The following PKHD1 variants were observed in gnomAD, a reference collection of about 807,000 sequenced individuals.
The protein encoded by PKHD1 is fibrocystin.
Under a neutral mutation model 412.0 loss-of-function variants are expected in PKHD1, and 291 were observed. The ratio of observed to expected loss-of-function variants is 0.71; its 90% CI spans 0.64 to 0.78. The LOEUF (loss-of-function observed/expected upper bound fraction) is 0.78, where lower values mean the gene tolerates loss of function less well. Ranked by LOEUF, PKHD1 falls within the 30% of genes least tolerant of loss-of-function variation. The probability of loss-of-function intolerance (pLI) is 0.00; values close to 1 mark genes in which losing one functional copy is unlikely to be tolerated. For missense variants in PKHD1, 4,825 were observed against 4,950.7 expected, an observed-to-expected ratio of 0.97 and a Z score of 0.76; for synonymous variants, 1,777 against 1,821.5, an observed-to-expected ratio of 0.98 and a Z score of 0.62.
intron 37 of PKHD1, among the ~76,000 whole-genome samples, chr6:51,923,699 G>T (rs1785086051): frequency 6.6e-6 from 1 of 152,160 alleles, no homozygotes; most frequent in Non-Finnish European, 1.5e-5. Flanking sequence ...AATAACGTGT[G>T]AAAGAAACCG....
chr6:51,980,427 TAA>T (rs1479471817), intron 35 of PKHD1, among the ~76,000 whole-genome samples: 1 of 152,246 alleles, frequency 6.6e-6, no homozygotes, highest in Non-Finnish European at 1.5e-5. Flanking sequence ...ATTTTTCTCT[TAA>T]GTTAAATATT....
intron 28 of PKHD1, among the ~76,000 whole-genome samples, chr6:52,034,443 G>C (rs948295070): frequency 3.9e-5 from 6 of 151,908 alleles, no homozygotes; most frequent in Admixed American, 1.3e-4. Flanking sequence ...TTTTATTAAT[G>C]TTTATGTTCT....
chr6:51,873,340 G>C (rs563398488), intron 46 of PKHD1, among the ~76,000 whole-genome samples: 1 of 152,310 alleles, frequency 6.6e-6, no homozygotes, highest in South Asian at 2.1e-4. Context: ...ATCGATAGAA[G>C]GCTGAATAAT....
intron 66 of PKHD1, among the ~76,000 whole-genome samples, chr6:51,625,094 G>A (rs141107476): frequency 3.9e-5 from 6 of 152,090 alleles, no homozygotes; most frequent in South Asian, 4.1e-4. Context: ...CACCCTGACC[G>A]TACCATGCCA....
At chr6:51,800,668 G>A (rs1762767582) in intron 52 of PKHD1, among the ~76,000 whole-genome samples, 1 of 152,202 alleles carries the variant, frequency 6.6e-6, no homozygotes, top group Non-Finnish European at 1.5e-5. Context: ...TGAGATCAAG[G>A]GCAAAGGGCA....
chr6:52,071,200 A>G (rs1376418312), intron 8 of PKHD1, 130 bp from the exon 9 acceptor site: 1 of 728,798 alleles, frequency 1.4e-6, no homozygotes, highest in Admixed American at 2.0e-5. Flanking sequence ...CAGAGAAAGT[A>G]TAATGAGTTC....
intron 60 of PKHD1, among the ~76,000 whole-genome samples, chr6:51,738,697 T>C (rs1784169655): frequency 6.6e-6 from 1 of 152,194 alleles, no homozygotes; most frequent in Non-Finnish European, 1.5e-5. Flanking sequence ...GGCTGGCTCC[T>C]GTCTATCTGC....
intron 63 of PKHD1, among the ~76,000 whole-genome samples, chr6:51,642,943 G>A (rs765954750): frequency 5.9e-5 from 9 of 152,162 alleles, no homozygotes; most frequent in Non-Finnish European, 1.3e-4. Context: ...GTATGGGTAT[G>A]GTTTGGAGTA....
At chr6:51,633,652 C>T (rs1158160500) in intron 64 of PKHD1, among the ~76,000 whole-genome samples, 1 of 152,148 alleles carries the variant, frequency 6.6e-6, no homozygotes, top group Non-Finnish European at 1.5e-5. Context: ...GAATGGTACA[C>T]ATTTGTAGGA....
Position 52,064,009 on chromosome 6 carries a change from G to A in PKHD1, c.976+946C>T, listed in dbSNP as rs76913214. Among the ~76,000 whole-genome samples, 14 of 152,376 alleles carry A rather than the reference G, an allele frequency of 9.2e-5. No homozygotes were observed. In the East Asian group the frequency reaches 2.5e-3, roughly 27 times the overall value. On this transcript the variant is annotated intron_variant, in intron 13 of 66. Coordinates refer to ENST00000371117, the MANE Select transcript of PKHD1 (RefSeq NM_138694.4). Reference sequence around the variant, plus strand: ...CACATTATCTTGATTACTTGTTTCAGTAGTTTTGTTTCCTTGGATGGAAGC... The same window carrying A: ...CACATTATCTTGATTACTTGTTTCAATAGTTTTGTTTCCTTGGATGGAAGC...
chr6:52,049,694 G>A (rs1281530424), intron 22 of PKHD1, among the ~76,000 whole-genome samples: 3 of 152,170 alleles, frequency 2.0e-5, no homozygotes, highest in Non-Finnish European at 2.9e-5. Context: ...ATCTGGTGGT[G>A]AGTTCTTAGA....
chr6:51,839,348 G>C (rs901166863), intron 50 of PKHD1, among the ~76,000 whole-genome samples: 2 of 152,126 alleles, frequency 1.3e-5, no homozygotes, highest in Non-Finnish European at 2.9e-5. Flanking sequence ...TTTATAAATG[G>C]AGCCCCATTG....
intron 19 of PKHD1, among the ~76,000 whole-genome samples, chr6:52,054,926 A>G (rs767066261): frequency 5.3e-5 from 8 of 152,240 alleles, no homozygotes; most frequent in Non-Finnish European, 1.0e-4. Flanking sequence ...GGAAAAGACT[A>G]GAAACTACTG....
At chr6:51,697,687 G>A (rs992398752) in intron 60 of PKHD1, among the ~76,000 whole-genome samples, 2 of 152,206 alleles carry the variant, frequency 1.3e-5, no homozygotes, top group South Asian at 4.1e-4. Flanking sequence ...GTGCTACAGA[G>A]GGATTCTTCA....
At position 51,615,860 on chromosome 6, in the gene PKHD1, C is replaced by G. The variant is rs1361532073; in HGVS notation, c.*3221G>C. The G allele has an allele frequency of 1.3e-5, 2 of 152,144 alleles. No individual in the cohort carries two copies. Among genetic ancestry groups the G allele is most frequent in the Non-Finnish European group, 2.9e-5 (2 of 68,034 alleles). 9.4% of individuals were successfully genotyped at this position (152,144 alleles called of 1,614,324 possible). On this transcript the variant is annotated 3_prime_UTR_variant, in exon 67 of 67. Transcript: ENST00000371117. ...CAAGTCTATTGAAGGGCAAGTTCAC[C>G]TTGATCAGATAAGCTGAGTCTCGCA...
At chr6:51,792,477 T>C (rs2151271273) in intron 52 of PKHD1, among the ~76,000 whole-genome samples, 1 of 152,368 alleles carries the variant, frequency 6.6e-6, no homozygotes, top group African/African-American at 2.4e-5. Flanking sequence ...CCCTGCTTCC[T>C]GCATTATAAG....
chr6:51,964,468 C>T (rs1197895356), intron 35 of PKHD1, among the ~76,000 whole-genome samples: 1 of 152,124 alleles, frequency 6.6e-6, no homozygotes, highest in East Asian at 1.9e-4. Context: ...CCGTATCCTT[C>T]TTTATTTTCT....
rs1264606241 is a variant in PKHD1, at chr6:51,659,866, G to A, written c.10260C>T (p.Ala3420=). 1 of 1,613,622 alleles carries A rather than the reference G, an allele frequency of 6.2e-7. No individual in the cohort carries two copies. The highest frequency in any genetic ancestry group is 1.1e-5 in the South Asian group (1 of 91,068). The change falls in exon 61 of 67, where the codon GCC becomes GCT. Residue 3420 remains alanine, a synonymous_variant. Coordinates refer to ENST00000371117, the MANE Select transcript of PKHD1 (RefSeq NM_138694.4). ...QVVLILDSAD[A]IWAIQKLYPV... ...GATATAACTTCTGAATTGCCCAAAT[G>A]GCATCAGCGCTATCAAGAATTAGGA...
intron 37 of PKHD1, among the ~76,000 whole-genome samples, chr6:51,926,292 C>T (rs1039726656): frequency 6.6e-6 from 1 of 152,092 alleles, no homozygotes; most frequent in African/African-American, 2.4e-5. Flanking sequence ...AACCAAGAGT[C>T]GCAGAGAAAC....
Sources: allele counts gnomAD v4.1 joint callset (sites outside exome capture counted in the v4.1 genomes callset), GRCh38; gene constraint gnomAD v4.1.1; transcripts MANE v1.5; gene names NCBI Gene and HGNC (gene_info 2026-07-23, HGNC 2026-07-21).